MARCHF6: variants seen among roughly 807,000 people sequenced by gnomAD.
The protein encoded by MARCHF6 is E3 ubiquitin-protein ligase MARCHF6.
In MARCHF6, 31 loss-of-function variants were observed where a neutral mutation model predicts 133.7. The observed-to-expected ratio is 0.23, with a 90% CI of 0.17 to 0.31. MARCHF6 has a LOEUF of 0.31. MARCHF6 is among the 10% of genes least tolerant of loss of function. The pLI, the probability that MARCHF6 is intolerant of heterozygous loss-of-function variation, is 1.00. For missense variants in MARCHF6, 723 were observed against 1,121.6 expected (o/e 0.64, Z 5.08); for synonymous variants, 395 against 402.5 (o/e 0.98, Z 0.22).
At chr5:10,364,198 G>A (rs1426716218) in intron 1 of MARCHF6, among the ~76,000 whole-genome samples, 1 of 152,214 alleles carries the variant, frequency 6.6e-6, no homozygotes, top group East Asian at 1.9e-4. Context: ...CCAAGTGTTT[G>A]TAAGGAGGTA....
At chr5:10,382,038 G>A (rs1333667849) in intron 4 of MARCHF6, 95 bp downstream of exon 4, 8 of 1,248,220 alleles carry the variant, frequency 6.4e-6, no homozygotes, top group Non-Finnish European at 8.0e-6. Context: ...TTTGACTGAT[G>A]TTTAGTTATT....
chr5:10,440,365 A>G lies in MARCHF6; in HGVS notation c.*6681A>G, dbSNP rs1740814282. Reference sequence around the variant, plus strand: ...ACATACCTTCACAGAATCATTTATCACAATAAAGGTGTCATACTATGCAGA... The same window carrying G: ...ACATACCTTCACAGAATCATTTATCGCAATAAAGGTGTCATACTATGCAGA... On this transcript the variant is annotated 3_prime_UTR_variant, in exon 26 of 26. Transcript: ENST00000274140. The G allele has an allele frequency of 1.3e-5, 2 of 152,218 alleles. No homozygotes were observed. The highest frequency in any genetic ancestry group is 2.4e-5 in the African/African-American group (1 of 41,448). The allele number at this position is 152,218 out of a possible 1,614,324, so 9.4% of individuals were successfully genotyped here.
rs58460459 is a variant in MARCHF6, at chr5:10,415,333, C to CAAA, written c.1967-154_1967-153insAAA. 341 of 687,578 alleles carry CAAA rather than the reference C, an allele frequency of 5.0e-4. 2 individuals are homozygous for CAAA. The East Asian group carries it at 9.2e-3, about 18-fold the overall frequency. The allele number at this position is 687,578 out of a possible 1,614,324, so 42.6% of individuals were successfully genotyped here. On this transcript the variant is annotated intron_variant, in intron 20 of 25. Coordinates refer to ENST00000274140, the MANE Select transcript of MARCHF6 (RefSeq NM_005885.4). Reference sequence around the variant, plus strand: ...TTCATCAAATTGTGTACTCTTTAGACATTGTGATTTTTGTCTTTTGTTTTT... The same window carrying CAAA: ...TTCATCAAATTGTGTACTCTTTAGACAAAATTGTGATTTTTGTCTTTTGTTTTT...
At chr5:10,368,440 C>T (rs779787825) in intron 1 of MARCHF6, among the ~76,000 whole-genome samples, 1 of 152,100 alleles carries the variant, frequency 6.6e-6, no homozygotes. Flanking sequence ...TGAGACCAGA[C>T]TGGGCAACGT....
intron 1 of MARCHF6, among the ~76,000 whole-genome samples, chr5:10,369,775 A>C (rs957902958): frequency 6.6e-6 from 1 of 152,102 alleles, no homozygotes; most frequent in Admixed American, 6.5e-5. Context: ...TCTTTAACTT[A>C]ATACAATGTT....
intron 1 of MARCHF6, among the ~76,000 whole-genome samples, chr5:10,365,447 T>C (rs2126655996): frequency 6.6e-6 from 1 of 152,064 alleles, no homozygotes; most frequent in Non-Finnish European, 1.5e-5. Flanking sequence ...ATTACAGGCA[T>C]ATGCCACCAC....
At chr5:10,360,460 CAGG>C (rs1048925092) in intron 1 of MARCHF6, among the ~76,000 whole-genome samples, 1 of 152,068 alleles carries the variant, frequency 6.6e-6, no homozygotes, top group Non-Finnish European at 1.5e-5. Flanking sequence ...TTTGATTGTG[CAGG>C]AGGTCGGTGC....
intron 24 of MARCHF6, among the ~76,000 whole-genome samples, chr5:10,429,654 G>A (rs1045179644): frequency 5.9e-5 from 9 of 152,138 alleles, no homozygotes; most frequent in African/African-American, 2.2e-4. Flanking sequence ...GCCCGCCTTG[G>A]CCTCCCAAAG....
intron 3 of MARCHF6, 80 bp from the exon 4 acceptor site, chr5:10,381,720 G>A (rs1046203182): frequency 1.8e-6 from 2 of 1,113,822 alleles, no homozygotes; most frequent in Admixed American, 2.8e-5. Context: ...TGGAAGTTTA[G>A]TTAATGTCTA....
chr5:10,435,556 C>G lies in MARCHF6; in HGVS notation c.*1872C>G, dbSNP rs1168683471. ...TTAGGATTTTAAAATATAATGCTGC[C>G]TGTCATAGTGTATTTCTAAATTGCT... On this transcript the variant is annotated 3_prime_UTR_variant, in exon 26 of 26. Coordinates refer to ENST00000274140, the MANE Select transcript of MARCHF6 (RefSeq NM_005885.4). The G allele has an allele frequency of 7.0e-6, 1 of 142,668 alleles. No individual in the cohort carries two copies. The highest frequency in any genetic ancestry group is 1.5e-5 in the Non-Finnish European group (1 of 65,956). The allele number at this position is 142,668 out of a possible 1,614,324, so 8.8% of individuals were successfully genotyped here.
At chr5:10,411,952 T>C (rs1739255451) in intron 19 of MARCHF6, among the ~76,000 whole-genome samples, 1 of 152,204 alleles carries the variant, frequency 6.6e-6, no homozygotes, top group South Asian at 2.1e-4. Context: ...CTATTACATG[T>C]TCGTTAGCAA....
At chr5:10,392,194 TGAGCCGCCCATC>T (rs1737900934) in intron 7 of MARCHF6, among the ~76,000 whole-genome samples, 1 of 152,206 alleles carries the variant, frequency 6.6e-6, no homozygotes, top group Non-Finnish European at 1.5e-5. Context: ...CCTGACCTTG[TGAGCCGCCCATC>T]TCGGCCTCCA....
intron 5 of MARCHF6, 62 bp downstream of exon 5, chr5:10,387,128 G>T: frequency 2.5e-6 from 3 of 1,202,884 alleles, no homozygotes. Flanking sequence ...TTTTTTCCTT[G>T]CATATTTATT....
chr5:10,391,846 C>T (rs1737869194), intron 7 of MARCHF6, 115 bp downstream of exon 7: 2 of 1,090,054 alleles, frequency 1.8e-6, no homozygotes, highest in Non-Finnish European at 2.4e-6. Context: ...CTATTTCTAA[C>T]TTATTTTTAC....
At chr5:10,416,673 A>C (rs534394024) in intron 21 of MARCHF6, among the ~76,000 whole-genome samples, 2 of 148,542 alleles carry the variant, frequency 1.3e-5, no homozygotes, top group African/African-American at 4.9e-5. Context: ...ACTTTAAATC[A>C]TTTTTTTTTT....
At chr5:10,362,262 A>T (rs901296083) in intron 1 of MARCHF6, among the ~76,000 whole-genome samples, 10 of 152,242 alleles carry the variant, frequency 6.6e-5, no homozygotes, top group African/African-American at 2.4e-4. Context: ...TTTACCAAAT[A>T]TTGGGTACAT....
chr5:10,386,513 G>C (rs1737491070), intron 4 of MARCHF6, among the ~76,000 whole-genome samples: 2 of 152,204 alleles, frequency 1.3e-5, no homozygotes, highest in African/African-American at 4.8e-5. Context: ...CTGTGAATCT[G>C]TGCTTTTAAA....
intron 1 of MARCHF6, among the ~76,000 whole-genome samples, chr5:10,376,222 C>G (rs949287664): frequency 3.3e-5 from 5 of 152,180 alleles, no homozygotes; most frequent in African/African-American, 1.2e-4. Flanking sequence ...AGCTGTAACA[C>G]TCACCGTGAA....
intron 10 of MARCHF6, 113 bp from the exon 11 acceptor site, chr5:10,400,671 C>G: frequency 3.8e-6 from 3 of 787,574 alleles, no homozygotes. Flanking sequence ...TAGCCTAGTT[C>G]TGGAATCTTT....
Sources: gnomAD v4.1 joint callset for allele counts (sites outside exome capture counted in the v4.1 genomes callset) on GRCh38, gnomAD v4.1.1 for gene constraint, MANE v1.5 for transcripts, NCBI Gene and HGNC (gene_info 2026-07-23, HGNC 2026-07-21) for gene names.